Variants in ARB2A observed in about 807,000 individuals in gnomAD.
The protein encoded by ARB2A is cotranscriptional regulator ARB2A.
the ARB2A span, among the ~76,000 whole-genome samples, chr5:93,929,843 G>C: frequency 6.6e-6 from 1 of 152,134 alleles, no homozygotes; most frequent in Non-Finnish European, 1.5e-5. Context: ...TCTTAACCTA[G>C]GCATGAGTAT....
chr5:93,815,321 G>A, the ARB2A span, among the ~76,000 whole-genome samples: 1 of 152,166 alleles, frequency 6.6e-6, no homozygotes, highest in African/African-American at 2.4e-5. Flanking sequence ...CAGAGACCTA[G>A]AAGAGTATCA....
chr5:94,106,299 AT>A, the ARB2A span, among the ~76,000 whole-genome samples: 1 of 151,778 alleles, frequency 6.6e-6, no homozygotes, highest in Non-Finnish European at 1.5e-5. Flanking sequence ...AAAAAAACCC[AT>A]AAAAAATGGG....
At chr5:93,989,956 A>C in the ARB2A span, among the ~76,000 whole-genome samples, 2 of 152,180 alleles carry the variant, frequency 1.3e-5, no homozygotes, top group Non-Finnish European at 2.9e-5. Context: ...CTCAAAGGCA[A>C]ATAGTCATGT....
chr5:93,623,563 T>C, the ARB2A span, among the ~76,000 whole-genome samples: 18 of 152,206 alleles, frequency 1.2e-4, no homozygotes, highest in African/African-American at 4.3e-4. Context: ...ATAAAATCAC[T>C]ACAAAAGCTT....
the ARB2A span, among the ~76,000 whole-genome samples, chr5:94,017,319 A>C: frequency 1.3e-5 from 2 of 152,198 alleles, no homozygotes; most frequent in Admixed American, 6.5e-5. Flanking sequence ...GAAAGGTAGG[A>C]AGAAAATTTC....
the ARB2A span, among the ~76,000 whole-genome samples, chr5:94,002,128 G>T: frequency 6.6e-6 from 1 of 151,898 alleles, no homozygotes. Context: ...GATTGAAGTT[G>T]ACTATTTCCC....
the ARB2A span, among the ~76,000 whole-genome samples, chr5:93,626,378 C>T: frequency 3.3e-5 from 5 of 152,144 alleles, no homozygotes; most frequent in African/African-American, 9.7e-5. Context: ...TGTAGAGTAA[C>T]TTATCACCAA....
the ARB2A span, among the ~76,000 whole-genome samples, chr5:93,749,641 C>T: frequency 6.6e-6 from 1 of 152,078 alleles, no homozygotes; most frequent in African/African-American, 2.4e-5. Context: ...ATTAACTGTC[C>T]ACATATTTGG....
At chr5:93,999,988 C>T in the ARB2A span, among the ~76,000 whole-genome samples, 2 of 152,032 alleles carry the variant, frequency 1.3e-5, no homozygotes, top group South Asian at 4.1e-4. Flanking sequence ...CATGGCTTAG[C>T]TTGACAGCTC....
the ARB2A span, among the ~76,000 whole-genome samples, chr5:93,785,035 T>C: frequency 5.8e-4 from 89 of 152,362 alleles, no homozygotes; most frequent in African/African-American, 2.0e-3. Flanking sequence ...TCAAAGCCTA[T>C]TAATTTTGCT....
chr5:93,971,600 A>ATAAATAAAT, the ARB2A span, among the ~76,000 whole-genome samples: 1 of 151,070 alleles, frequency 6.6e-6, no homozygotes, highest in Non-Finnish European at 1.5e-5. Flanking sequence ...AAATAAATAA[A>ATAAATAAAT]TAAATAAATA....
chr5:93,669,270 TA>T, the ARB2A span, among the ~76,000 whole-genome samples: 6 of 152,176 alleles, frequency 3.9e-5, no homozygotes, highest in African/African-American at 1.4e-4. Flanking sequence ...AGTACCTTTT[TA>T]AAAGGTGATA....
chr5:94,000,372 G>A, the ARB2A span, among the ~76,000 whole-genome samples: 5 of 152,014 alleles, frequency 3.3e-5, no homozygotes, highest in Non-Finnish European at 7.4e-5. Flanking sequence ...ATATGTAGTG[G>A]TATCTCATTG....
the ARB2A span, among the ~76,000 whole-genome samples, chr5:93,708,097 A>AT: frequency 2.6e-5 from 4 of 151,828 alleles, no homozygotes; most frequent in Admixed American, 6.6e-5. Context: ...CTGTACATGT[A>AT]TTTTTTTTCC....
chr5:93,618,241 T>G, the ARB2A span: 1 of 152,136 alleles, frequency 6.6e-6, no homozygotes, highest in African/African-American at 2.4e-5. Context: ...CATGGTCTTC[T>G]TTTCAAATAT....
the ARB2A span, among the ~76,000 whole-genome samples, chr5:93,799,322 G>T: frequency 2.6e-5 from 4 of 152,064 alleles, no homozygotes; most frequent in Admixed American, 2.6e-4. Context: ...CCTTTAGATA[G>T]TGTTGCTGTT....
the ARB2A span, among the ~76,000 whole-genome samples, chr5:93,972,809 C>T: frequency 6.6e-6 from 1 of 151,872 alleles, no homozygotes; most frequent in Non-Finnish European, 1.5e-5. Context: ...GTTGTGGTGG[C>T]TCACGCCTGT....
chr5:94,004,993 ATC>A, the ARB2A span, among the ~76,000 whole-genome samples: 1,885 of 104,158 alleles, frequency 0.018, 97 homozygotes, highest in African/African-American at 0.055. Context: ...GAGCCATTTT[ATC>A]AGCAAAAAAA....
the ARB2A span, among the ~76,000 whole-genome samples, chr5:94,106,833 G>A: frequency 7.0e-6 from 1 of 143,730 alleles, no homozygotes; most frequent in South Asian, 2.2e-4. Context: ...ACAGCAACAT[G>A]GATGGAGCTT....
Sources: gnomAD v4.1 joint callset for allele counts (sites outside exome capture counted in the v4.1 genomes callset) on GRCh38, gnomAD v4.1.1 for gene constraint, MANE v1.5 for transcripts, NCBI Gene and HGNC (gene_info 2026-07-23, HGNC 2026-07-21) for gene names.